The following CDKL5 variants were observed in gnomAD, a reference collection of about 807,000 sequenced individuals.
CDKL5 encodes the protein cyclin-dependent kinase-like 5.
In CDKL5, 8 loss-of-function variants were observed where a neutral mutation model predicts 61.7. That is an observed-to-expected ratio of 0.13 (90% CI 0.08 to 0.23). The LOEUF (loss-of-function observed/expected upper bound fraction) is 0.23, where lower values mean the gene tolerates loss of function less well. CDKL5 is among the 10% of genes least tolerant of loss of function. The probability of loss-of-function intolerance (pLI) is 1.00; values close to 1 mark genes in which losing one functional copy is unlikely to be tolerated. For synonymous variants in CDKL5, 275 were observed against 272.3 expected, an observed-to-expected ratio of 1.01 and a Z score of -0.10; for missense variants, 440 against 734.5, an observed-to-expected ratio of 0.60 and a Z score of 4.63.
chrX:18,590,797 A>G (rs1925801976), intron 9 of CDKL5, among the ~76,000 whole-genome samples: 1 of 111,937 alleles, frequency 8.9e-6, no homozygotes, highest in Non-Finnish European at 1.9e-5. Flanking sequence ...ACTTGTCCCC[A>G]GTCTAGAAGA....
chrX:18,469,021 A>G (rs930341923), intron 1 of CDKL5, among the ~76,000 whole-genome samples: 2 of 110,716 alleles, frequency 1.8e-5, no homozygotes, highest in Non-Finnish European at 3.8e-5. Context: ...GAAACTGAAG[A>G]CTCTTTAGAA....
At chrX:18,448,882 G>A (rs970065722) in intron 1 of CDKL5, among the ~76,000 whole-genome samples, 5 of 111,742 alleles carry the variant, frequency 4.5e-5, no homozygotes, top group African/African-American at 1.6e-4. Context: ...TTGAGACGAA[G>A]TCTCACTCTG....
intron 1 of CDKL5, among the ~76,000 whole-genome samples, chrX:18,493,381 A>G (rs548534695): frequency 1.8e-5 from 2 of 112,320 alleles, no homozygotes; most frequent in African/African-American, 6.5e-5. Flanking sequence ...AAAACATTGA[A>G]TGATTGCTTA....
rs994380859 is a variant in CDKL5 at position 18,589,054 on chromosome X, G to A, written c.744+911G>A. The A allele has an allele frequency of 6.3e-5, 7 of 110,775 alleles. No homozygotes were observed. In the Admixed American group the frequency reaches 6.7e-4, roughly 11 times the overall value. 9.1% of individuals were successfully genotyped at this position (110,775 alleles called of 1,213,427 possible). A position where few individuals can be genotyped will look rare whatever the true frequency, so the allele number is the denominator to read the frequency against. ...TAGAAAGTATAAACTTTCCCCAAATGAGGAGGAGTCACCTTATTAGAGTGC... is the reference window on the plus strand; with the variant it reads ...TAGAAAGTATAAACTTTCCCCAAATAAGGAGGAGTCACCTTATTAGAGTGC... On this transcript the variant is annotated intron_variant, in intron 9 of 17. Transcript: ENST00000623535.
chrX:18,610,195 C>G (rs1354844317), intron 14 of CDKL5, among the ~76,000 whole-genome samples: 1 of 110,569 alleles, frequency 9.0e-6, no homozygotes, highest in Non-Finnish European at 1.9e-5. Context: ...CATGATCTGG[C>G]CCTTGCCATG....
Position 18,604,801 on chromosome X carries a change from A to ATTT in CDKL5, c.1878_1879insTTT (p.Asp626_Gly627insPhe). 8.3e-7 allele frequency: 1 copy of ATTT among 1,211,518 alleles called. No individual in the cohort carries two copies. On this transcript the variant is annotated inframe_insertion, in exon 12 of 18. Coordinates refer to ENST00000623535, the MANE Select transcript of CDKL5 (RefSeq NM_001323289.2). ...GACAAAGTGAGAGCCAAGGGCTTGGATGGAAGCTTGAGCATAGGGCAAGGG... is the reference window on the plus strand; with the variant it reads ...GACAAAGTGAGAGCCAAGGGCTTGGATTTTGGAAGCTTGAGCATAGGGCAAGGG...
intron 1 of CDKL5, among the ~76,000 whole-genome samples, chrX:18,459,285 A>G (rs890259068): frequency 4.5e-5 from 5 of 111,561 alleles, no homozygotes; most frequent in African/African-American, 1.6e-4. Context: ...GCCGAGCACC[A>G]TGGCTCATGC....
chrX:18,468,572 C>T (rs1920985070), intron 1 of CDKL5, among the ~76,000 whole-genome samples: 1 of 112,237 alleles, frequency 8.9e-6, no homozygotes, highest in Non-Finnish European at 1.9e-5. Context: ...TAGAATAACA[C>T]CATCTTGTAA....
Position 18,628,978 on chromosome X carries a change from C to T in CDKL5, c.*221C>T, listed in dbSNP as rs1333853325. 3 of 1,017,876 alleles carry T rather than the reference C, an allele frequency of 2.9e-6. No individual in the cohort carries two copies. The highest frequency in any genetic ancestry group is 3.7e-6 in the Non-Finnish European group (3 of 803,540). 83.9% of individuals were successfully genotyped at this position (1,017,876 alleles called of 1,213,427 possible). On this transcript the variant is annotated 3_prime_UTR_variant, in exon 18 of 18. Transcript: ENST00000623535. ...CACAGGAGTTCCTTAGGGATCGCCA[C>T]TCCCCACAGGTCTTGTGTGAGAATA...
At chrX:18,617,120 G>C (rs1569222741) in intron 15 of CDKL5, among the ~76,000 whole-genome samples, 1 of 112,116 alleles carries the variant, frequency 8.9e-6, no homozygotes, top group Non-Finnish European at 1.9e-5. Context: ...TGATTCATTG[G>C]ATTTTAATTC....
At chrX:18,568,179 A>G (rs1413903527) in intron 4 of CDKL5, among the ~76,000 whole-genome samples, 1 of 112,251 alleles carries the variant, frequency 8.9e-6, no homozygotes, top group Non-Finnish European at 1.9e-5. Flanking sequence ...GGGACCATCT[A>G]TTCTCTCACT....
chrX:18,444,333 C>T (rs1026649696), intron 1 of CDKL5, among the ~76,000 whole-genome samples: 8 of 111,749 alleles, frequency 7.2e-5, no homozygotes, highest in Non-Finnish European at 1.1e-4. Flanking sequence ...CTCTTGACAT[C>T]TATCATACGA....
chrX:18,509,119 C>A (rs1922699416), intron 2 of CDKL5, among the ~76,000 whole-genome samples: 1 of 98,696 alleles, frequency 1.0e-5, no homozygotes, highest in Non-Finnish European at 2.1e-5. Flanking sequence ...CACACACACA[C>A]ACACACACAG....
chrX:18,555,080 A>T (rs1489417280), intron 3 of CDKL5, among the ~76,000 whole-genome samples: 2 of 111,574 alleles, frequency 1.8e-5, no homozygotes, highest in Admixed American at 9.5e-5. Context: ...AATGGTTAAA[A>T]TGAATAAACT....
intron 1 of CDKL5, among the ~76,000 whole-genome samples, chrX:18,469,596 C>G (rs966295026): frequency 9.8e-6 from 1 of 102,506 alleles, no homozygotes; most frequent in Non-Finnish European, 2.0e-5. Context: ...TGCAATGAGC[C>G]GAGATCGTGC....
intron 3 of CDKL5, among the ~76,000 whole-genome samples, chrX:18,559,769 G>A (rs1316140503): frequency 2.0e-5 from 2 of 100,140 alleles, no homozygotes; most frequent in East Asian, 3.2e-4. Context: ...ATCTCCTAAT[G>A]CTATCCCTTC....
downstream of CDKL5, chrX:18,642,279 T>G: frequency 1.3e-5 from 10 of 755,970 alleles, no homozygotes; most frequent in Non-Finnish European, 1.8e-5. Flanking sequence ...TAAAGCAGTT[T>G]GCGGGTGCCC....
downstream of CDKL5, among the ~76,000 whole-genome samples, chrX:18,645,177 G>A (rs189650994): frequency 2.6e-3 from 290 of 111,883 alleles, 1 homozygote; most frequent in Middle Eastern, 9.1e-3. Context: ...CTCATAAATC[G>A]TGGAAACCTA....
chrX:18,533,777 T>C (rs1252757168), intron 3 of CDKL5, among the ~76,000 whole-genome samples: 1 of 111,597 alleles, frequency 9.0e-6, no homozygotes, highest in Non-Finnish European at 1.9e-5. Flanking sequence ...TGTTCCTCTC[T>C]CCAGAGATTC....
Sources: gnomAD v4.1 joint callset for allele counts (sites outside exome capture counted in the v4.1 genomes callset) on GRCh38, gnomAD v4.1.1 for gene constraint, MANE v1.5 for transcripts, NCBI Gene and HGNC (gene_info 2026-07-23, HGNC 2026-07-21) for gene names.